The following MYO5A variants were observed in gnomAD, a reference collection of about 807,000 sequenced individuals.
MYO5A encodes unconventional myosin-Va.
Under a neutral mutation model 249.7 loss-of-function variants are expected in MYO5A, and 98 were observed. That is an observed-to-expected ratio of 0.39 (90% CI 0.33 to 0.46). The LOEUF is 0.46. Ranked by LOEUF, MYO5A falls within the 20% of genes least tolerant of loss-of-function variation. The probability of loss-of-function intolerance (pLI) is 0.98; values close to 1 mark genes in which losing one functional copy is unlikely to be tolerated. For synonymous variants in MYO5A, 778 were observed against 810.6 expected (o/e 0.96, Z 0.68); for missense variants, 1,696 against 2,308.8 (o/e 0.73, Z 5.44).
At chr15:52,433,411 C>T in intron 1 of MYO5A, 126 bp from the exon 2 acceptor site, 3 of 366,896 alleles carry the variant, frequency 8.2e-6, no homozygotes, top group South Asian at 5.5e-5. Context: ...ACATGAAATT[C>T]ACTTTTTTTT....
chr15:52,412,462 A>T (rs1240611912), intron 5 of MYO5A, among the ~76,000 whole-genome samples: 2 of 152,258 alleles, frequency 1.3e-5, no homozygotes, highest in Admixed American at 1.3e-4. Flanking sequence ...CTATCAGACC[A>T]GGCCCTATTA....
intron 40 of MYO5A, among the ~76,000 whole-genome samples, chr15:52,316,220 C>A (rs987214203): frequency 9.0e-6 from 1 of 110,936 alleles, no homozygotes; most frequent in Non-Finnish European, 1.7e-5. Context: ...GGCGACACAG[C>A]GAGACTCCGT....
At chr15:52,405,226 C>CA (rs2042952707) in intron 9 of MYO5A, 61 bp downstream of exon 9, 21 of 1,242,666 alleles carry the variant, frequency 1.7e-5, no homozygotes, top group Non-Finnish European at 2.4e-5. Context: ...CTTCTTTAAA[C>CA]AATCTACAAA....
intron 1 of MYO5A, among the ~76,000 whole-genome samples, chr15:52,487,861 C>A (rs1164470079): frequency 6.6e-6 from 1 of 152,132 alleles, no homozygotes; most frequent in Non-Finnish European, 1.5e-5. Flanking sequence ...TCAATCCCTA[C>A]CCCACATTCC....
At chr15:52,467,987 CA>C (rs1411469481) in intron 1 of MYO5A, among the ~76,000 whole-genome samples, 11 of 152,112 alleles carry the variant, frequency 7.2e-5, no homozygotes, top group Admixed American at 3.3e-4. Context: ...AAAAGATAAA[CA>C]ACCTAGTAGC....
At position 52,523,021 on chromosome 15, in the gene MYO5A, T is replaced by C. The variant is rs545496232; in HGVS notation, c.27+5759A>G. Among the ~76,000 whole-genome samples, 4 of 152,312 alleles carry C rather than the reference T, an allele frequency of 2.6e-5. No individual in the cohort carries two copies. In the East Asian group the frequency reaches 7.7e-4, roughly 29 times the overall value. Reference sequence around the variant, plus strand: ...ATGGGCATTTTGCTTTGTCAAGCTATGTAAAGAAGTATTTCTTAGTAGCAT... The same window carrying C: ...ATGGGCATTTTGCTTTGTCAAGCTACGTAAAGAAGTATTTCTTAGTAGCAT... On this transcript the variant is annotated intron_variant, in intron 1 of 41. Transcript: ENST00000399233.
chr15:52,348,754 ACTTGTAAAC>A, intron 29 of MYO5A, 55 bp downstream of exon 29: 1 of 1,315,118 alleles, frequency 7.6e-7, no homozygotes, highest in Non-Finnish European at 1.1e-6. Context: ...ATTGGGGGAT[ACTTGTAAAC>A]TAAAGTTAGG....
intron 1 of MYO5A, among the ~76,000 whole-genome samples, chr15:52,474,563 A>T (rs945929696): frequency 3.9e-5 from 6 of 152,274 alleles, no homozygotes; most frequent in African/African-American, 1.4e-4. Flanking sequence ...GATACATCCC[A>T]TCAATACCTA....
In MYO5A at chr15:52,314,109, A is replaced by T. The variant is rs752447471; in HGVS notation, c.5490+14T>A. ...CTGTGTTGGTGAATCAAAGAAGAAG[A>T]TGGGAGCTCTTACCTGTATAGTACG... On this transcript the variant is annotated intron_variant, in intron 41 of 41. Transcript: ENST00000399233. 5 of 1,583,390 alleles carry T rather than the reference A, an allele frequency of 3.2e-6. No individual in the cohort carries two copies. Among genetic ancestry groups the T allele is most frequent in the Middle Eastern group, 1.9e-4 (1 of 5,166 alleles).
chr15:52,450,912 A>G (rs2141372569), intron 1 of MYO5A, among the ~76,000 whole-genome samples: 1 of 129,802 alleles, frequency 7.7e-6, no homozygotes, highest in Non-Finnish European at 1.6e-5. Context: ...CAGTGGTGTG[A>G]TCATGGCTCA....
intron 1 of MYO5A, among the ~76,000 whole-genome samples, chr15:52,526,294 C>T (rs915215166): frequency 6.6e-6 from 1 of 152,224 alleles, no homozygotes; most frequent in African/African-American, 2.4e-5. Flanking sequence ...ATCTTCCTGC[C>T]TCAGCTGATC....
intron 1 of MYO5A, among the ~76,000 whole-genome samples, chr15:52,489,561 T>TAA (rs757979547): frequency 2.8e-4 from 28 of 99,162 alleles, no homozygotes; most frequent in African/African-American, 6.3e-4. Flanking sequence ...AGACTTTGTC[T>TAA]AAAAAAAAAA....
intron 1 of MYO5A, among the ~76,000 whole-genome samples, chr15:52,452,234 T>C (rs996627380): frequency 6.6e-6 from 1 of 151,634 alleles, no homozygotes; most frequent in Non-Finnish European, 1.5e-5. Flanking sequence ...CAGAGAAGTA[T>C]TAAAAAAAAC....
At chr15:52,348,630 A>G (rs1283075555) in intron 29 of MYO5A, among the ~76,000 whole-genome samples, 188 bp downstream of exon 29, 2 of 152,176 alleles carry the variant, frequency 1.3e-5, no homozygotes, top group Admixed American at 6.5e-5. Context: ...ACTGGAGCCT[A>G]CTATAACCAC....
intron 1 of MYO5A, among the ~76,000 whole-genome samples, chr15:52,468,877 T>C (rs1300100448): frequency 6.6e-6 from 1 of 152,168 alleles, no homozygotes; most frequent in Non-Finnish European, 1.5e-5. Context: ...CATACTGAAA[T>C]AGGTGGTGAG....
intron 11 of MYO5A, among the ~76,000 whole-genome samples, chr15:52,395,837 A>G (rs1174899202): frequency 1.3e-5 from 2 of 152,210 alleles, no homozygotes; most frequent in African/African-American, 4.8e-5. Context: ...TAATATTACT[A>G]CTTCACAAGA....
At chr15:52,349,668 C>T (rs1021573693) in intron 28 of MYO5A, among the ~76,000 whole-genome samples, 1 of 152,106 alleles carries the variant, frequency 6.6e-6, no homozygotes. Flanking sequence ...ACATTGCAAC[C>T]CCATAAATAT....
chr15:52,440,882 G>A (rs1474301799), intron 1 of MYO5A, among the ~76,000 whole-genome samples: 1 of 152,128 alleles, frequency 6.6e-6, no homozygotes, highest in East Asian at 1.9e-4. Flanking sequence ...ATTAGCTTCT[G>A]TATTAAATCA....
chr15:52,512,052 G>A (rs117089270), intron 1 of MYO5A, among the ~76,000 whole-genome samples: 22,738 of 151,498 alleles, frequency 0.15, 1,793 homozygotes, highest in Middle Eastern at 0.22. Flanking sequence ...AGTCCCAGCC[G>A]TTCGTGAGGC....
Sources: gnomAD v4.1 joint callset for allele counts (sites outside exome capture counted in the v4.1 genomes callset) on GRCh38, gnomAD v4.1.1 for gene constraint, MANE v1.5 for transcripts, NCBI Gene and HGNC (gene_info 2026-07-23, HGNC 2026-07-21) for gene names.